The following DNAJC25 variants were observed in gnomAD, a reference collection of about 807,000 sequenced individuals.
DNAJC25 encodes the protein DnaJ heat shock protein family (Hsp40) member C25.
A neutral mutation model predicts 42.1 loss-of-function variants in DNAJC25; 26 were observed. The ratio of observed to expected loss-of-function variants is 0.62; its 90% CI spans 0.45 to 0.86. The LOEUF is 0.86. DNAJC25 is among the 40% of genes least tolerant of loss of function. The pLI is 0.00. For missense variants in DNAJC25, 404 were observed against 459.4 expected (o/e 0.88, Z 1.10); for synonymous variants, 189 against 179.9 (o/e 1.05, Z -0.40).
chr9:111,648,904 T>C (rs1830606958), intron 2 of DNAJC25, among the ~76,000 whole-genome samples: 1 of 152,186 alleles, frequency 6.6e-6, no homozygotes, highest in Admixed American at 6.5e-5. Context: ...CCTGTCCAAA[T>C]AGGTAGAGTT....
chr9:111,633,923 C>T (rs73656277), intron 1 of DNAJC25, among the ~76,000 whole-genome samples: 1,905 of 152,290 alleles, frequency 0.013, 46 homozygotes, highest in African/African-American at 0.043. Flanking sequence ...ACCAGTATGT[C>T]TGGAGTAGGT....
intron 1 of DNAJC25, among the ~76,000 whole-genome samples, chr9:111,641,558 C>A: frequency 8.0e-6 from 1 of 124,894 alleles, no homozygotes; most frequent in Non-Finnish European, 1.7e-5. Context: ...CGGCCAGCCG[C>A]CCCATCCGGG....
intron 1 of DNAJC25, chr9:111,642,796 C>T (rs1246577910): frequency 4.3e-6 from 2 of 469,180 alleles, no homozygotes; most frequent in South Asian, 1.6e-5. Context: ...GGATTCAGTA[C>T]TTTCTTTGCT....
chr9:111,634,383 T>C (rs1483215989), intron 1 of DNAJC25, among the ~76,000 whole-genome samples: 1 of 152,246 alleles, frequency 6.6e-6, no homozygotes, highest in Non-Finnish European at 1.5e-5. Context: ...TGCAAGGTTT[T>C]AATGAACTGA....
intron 3 of DNAJC25, 67 bp from the exon 4 acceptor site, chr9:111,653,033 T>C: frequency 7.1e-7 from 1 of 1,404,478 alleles, no homozygotes; most frequent in South Asian, 1.9e-5. Context: ...AATGTAAATA[T>C]GCCATAAAGC....
intron 1 of DNAJC25, among the ~76,000 whole-genome samples, chr9:111,644,798 T>C (rs1830541393): frequency 6.6e-6 from 1 of 152,212 alleles, no homozygotes; most frequent in Admixed American, 6.5e-5. Flanking sequence ...TTCTATAAAA[T>C]TAGCCCAAAA....
chr9:111,643,950 T>TC (rs1460324852), intron 1 of DNAJC25, among the ~76,000 whole-genome samples: 1 of 152,224 alleles, frequency 6.6e-6, no homozygotes, highest in Non-Finnish European at 1.5e-5. Flanking sequence ...TGTTGAGAAC[T>TC]CCTAAGTTTT....
At position 111,649,894 on chromosome 9, in the gene DNAJC25, C is replaced by G. The variant is rs749436855; in HGVS notation, c.931C>G (p.Arg311Gly). ...EDHQKETFLKRELWIKENYEV... is the reference protein window; with the variant it reads ...EDHQKETFLKGELWIKENYEV... ...TCATCAGAAAGAAACTTTTCTTAAA[C>G]GAGAGCTCTGGATCAAGGAGAATTA... Residue 311 changes from arginine to glycine, a missense_variant, in exon 3 of 4, where the codon CGA (arginine) becomes GGA (glycine). Coordinates refer to ENST00000313525, the MANE Select transcript of DNAJC25 (RefSeq NM_001015882.3). 14 of 1,593,122 alleles carry G rather than the reference C, an allele frequency of 8.8e-6. No individual in the cohort carries two copies. The highest frequency in any genetic ancestry group is 3.6e-5 in the Admixed American group (2 of 56,112).
Position 111,649,895 on chromosome 9 carries a change from G to C in DNAJC25, c.932G>C (p.Arg311Pro). ...EDHQKETFLK[R>P]ELWIKENYEV... Reference sequence around the variant, plus strand: ...CATCAGAAAGAAACTTTTCTTAAACGAGAGCTCTGGATCAAGGAGAATTAT... The same window carrying C: ...CATCAGAAAGAAACTTTTCTTAAACCAGAGCTCTGGATCAAGGAGAATTAT... Residue 311 changes from arginine to proline, a missense_variant, in exon 3 of 4, where the codon CGA (arginine) becomes CCA (proline). Transcript: ENST00000313525. 3 of 1,591,604 alleles carry C rather than the reference G, an allele frequency of 1.9e-6. No individual in the cohort carries two copies. Among genetic ancestry groups the C allele is most frequent in the Non-Finnish European group, 2.6e-6 (3 of 1,172,450 alleles).
Position 111,652,532 on chromosome 9 carries a change from A to AAT in DNAJC25, c.961-567_961-566insTA, listed in dbSNP as rs1446813687. Among the ~76,000 whole-genome samples the AAT allele has an allele frequency of 1.4e-5, 2 of 148,076 alleles. 1 individual carries two copies. The highest frequency in any genetic ancestry group is 3.0e-5 in the Non-Finnish European group (2 of 66,960). ...CCTGTCTCAAAAAAAAAAAAAAAAA[A>AAT]AGTACTAGTTCTTTTTTTTTAAATT... On this transcript the variant is annotated intron_variant, in intron 3 of 3. Coordinates refer to ENST00000313525, the MANE Select transcript of DNAJC25 (RefSeq NM_001015882.3).
intron 1 of DNAJC25, among the ~76,000 whole-genome samples, chr9:111,645,282 T>C (rs112087050): frequency 2.4e-4 from 36 of 149,194 alleles, no homozygotes; most frequent in African/African-American, 8.7e-4. Context: ...GGAGACAGAG[T>C]CTCGCTCTGT....
rs777266187 is a variant in DNAJC25 at position 111,649,698 on chromosome 9, C to G, written c.735C>G (p.Leu245=). Residue 245 remains leucine, a synonymous_variant, in exon 3 of 4, where the codon CTC becomes CTG. Coordinates refer to ENST00000313525, the MANE Select transcript of DNAJC25 (RefSeq NM_001015882.3). ...AGAAACCCCAAATCTGTGATCTTCT[C>G]CTGTTTCAAATTATCTTAGCTCCTT... ...GYQKPQICDL[L]LFQIILAPFH... 1.2e-6 allele frequency: 2 copies of G among 1,614,042 alleles called. No individual in the cohort carries two copies. Among genetic ancestry groups the G allele is most frequent in the Admixed American group, 1.7e-5 (1 of 60,000 alleles).
intron 2 of DNAJC25, among the ~76,000 whole-genome samples, chr9:111,647,995 T>A (rs892685381): frequency 2.0e-5 from 3 of 152,092 alleles, no homozygotes; most frequent in Admixed American, 6.5e-5. Flanking sequence ...GCCAGGATGG[T>A]CTCAAACTCC....
chr9:111,652,079 A>G (rs1361086009), intron 3 of DNAJC25, among the ~76,000 whole-genome samples: 1 of 152,202 alleles, frequency 6.6e-6, no homozygotes, highest in Non-Finnish European at 1.5e-5. Context: ...TACAAAGACT[A>G]TATTAAAAAA....
intron 3 of DNAJC25, 86 bp from the exon 4 acceptor site, chr9:111,653,014 T>G: frequency 7.4e-7 from 1 of 1,356,898 alleles, no homozygotes; most frequent in Non-Finnish European, 9.6e-7. Flanking sequence ...CCTAACATTA[T>G]GTTAGAAAAA....
chr9:111,637,590 T>C (rs1484355282), intron 1 of DNAJC25, among the ~76,000 whole-genome samples: 2 of 152,236 alleles, frequency 1.3e-5, no homozygotes, highest in Admixed American at 1.3e-4. Flanking sequence ...CTTACATTTT[T>C]TCCTTTCTTT....
At chr9:111,641,769 C>T (rs1589344217) in intron 1 of DNAJC25, among the ~76,000 whole-genome samples, 3 of 130,520 alleles carry the variant, frequency 2.3e-5, no homozygotes, top group Admixed American at 7.4e-5. Flanking sequence ...GTGAGGAGCC[C>T]CTCTGCCCGG....
At chr9:111,652,719 T>A (rs1830682073) in intron 3 of DNAJC25, among the ~76,000 whole-genome samples, 1 of 151,012 alleles carries the variant, frequency 6.6e-6, no homozygotes, top group African/African-American at 2.4e-5. Flanking sequence ...TTTTTTCTAT[T>A]TTTTTTAGGA....
At chr9:111,640,979 C>T (rs1589343343) in intron 1 of DNAJC25, among the ~76,000 whole-genome samples, 1 of 103,386 alleles carries the variant, frequency 9.7e-6, no homozygotes, top group South Asian at 3.0e-4. Context: ...CCTGGCCAGC[C>T]GTGCCGTCCG....
Sources: allele counts gnomAD v4.1 joint callset (sites outside exome capture counted in the v4.1 genomes callset), GRCh38; gene constraint gnomAD v4.1.1; transcripts MANE v1.5; gene names NCBI Gene and HGNC (gene_info 2026-07-23, HGNC 2026-07-21).